The following LRP1B variants were observed in gnomAD, a reference collection of about 807,000 sequenced individuals.
LRP1B encodes LDL receptor related protein 1B, also known as low-density lipoprotein receptor-related protein 1B.
A neutral mutation model predicts 556.6 loss-of-function variants in LRP1B; 217 were observed. The observed-to-expected ratio is 0.39, with a 90% CI of 0.35 to 0.44. LRP1B has a LOEUF of 0.44. LRP1B is among the 20% of genes least tolerant of loss of function. LRP1B has a pLI of 1.00. For synonymous variants in LRP1B, 2,047 were observed against 1,865.8 expected (o/e 1.10, Z -2.50); for missense variants, 5,053 against 5,620.8 (o/e 0.90, Z 3.23).
intron 84 of LRP1B, among the ~76,000 whole-genome samples, chr2:140,295,318 C>A (rs12996989): frequency 6.6e-6 from 1 of 151,932 alleles, no homozygotes; most frequent in Admixed American, 6.6e-5. Flanking sequence ...GTAGGGGCAT[C>A]TACATATGTC....
At chr2:140,477,974 G>A (rs757413916) in intron 59 of LRP1B, among the ~76,000 whole-genome samples, 1 of 151,958 alleles carries the variant, frequency 6.6e-6, no homozygotes, top group Non-Finnish European at 1.5e-5. Context: ...TACTATGGAA[G>A]TACAAAAGAG....
At chr2:140,516,630 C>T (rs1299513201) in intron 50 of LRP1B, among the ~76,000 whole-genome samples, 1 of 151,994 alleles carries the variant, frequency 6.6e-6, no homozygotes, top group Non-Finnish European at 1.5e-5. Flanking sequence ...TTTATTATAT[C>T]TATATTATAA....
chr2:141,143,078 G>A (rs1701696221), intron 7 of LRP1B, among the ~76,000 whole-genome samples: 1 of 151,902 alleles, frequency 6.6e-6, no homozygotes, highest in South Asian at 2.1e-4. Context: ...ACAGGCGCGT[G>A]CTACCACGCC....
intron 41 of LRP1B, among the ~76,000 whole-genome samples, chr2:140,648,150 G>A (rs1433946577): frequency 6.6e-6 from 1 of 152,172 alleles, no homozygotes; most frequent in Non-Finnish European, 1.5e-5. Context: ...GGACATGGAT[G>A]AAGCTAGAAA....
intron 3 of LRP1B, among the ~76,000 whole-genome samples, chr2:141,317,178 G>T (rs184233529): frequency 1.3e-5 from 2 of 152,154 alleles, no homozygotes; most frequent in Non-Finnish European, 2.9e-5. Context: ...CTAGACCTAA[G>T]AATTATTGCT....
At chr2:140,324,492 A>G (rs890779909) in intron 80 of LRP1B, among the ~76,000 whole-genome samples, 12 of 152,118 alleles carry the variant, frequency 7.9e-5, no homozygotes, top group African/African-American at 2.2e-4. Context: ...TTATTAAGCA[A>G]TCAATCAATC....
intron 84 of LRP1B, among the ~76,000 whole-genome samples, chr2:140,287,124 C>T (rs931603817): frequency 2.0e-5 from 3 of 151,808 alleles, no homozygotes; most frequent in Non-Finnish European, 2.9e-5. Context: ...TCTAGATTCT[C>T]ATTTGACATA....
At chr2:141,843,266 G>A (rs1697540049) in intron 1 of LRP1B, among the ~76,000 whole-genome samples, 1 of 152,086 alleles carries the variant, frequency 6.6e-6, no homozygotes, top group Non-Finnish European at 1.5e-5. Context: ...ACAATGTTCT[G>A]GAATGAAGCA....
intron 82 of LRP1B, among the ~76,000 whole-genome samples, chr2:140,316,983 C>T (rs973209789): frequency 1.3e-5 from 2 of 152,014 alleles, no homozygotes; most frequent in Non-Finnish European, 2.9e-5. Flanking sequence ...CATTATCGAC[C>T]GAGTGCCCAG....
intron 11 of LRP1B, among the ~76,000 whole-genome samples, chr2:141,045,702 C>T (rs1330023803): frequency 2.0e-5 from 3 of 152,002 alleles, no homozygotes; most frequent in Non-Finnish European, 4.4e-5. Flanking sequence ...AAGCTTTATC[C>T]TCTTTACTGA....
At chr2:141,117,116 A>G (rs1396252418) in intron 7 of LRP1B, among the ~76,000 whole-genome samples, 1 of 151,968 alleles carries the variant, frequency 6.6e-6, no homozygotes, top group Non-Finnish European at 1.5e-5. Context: ...TTTATCATTG[A>G]CTTTTGTCAC....
At chr2:141,588,006 T>C (rs1177345525) in intron 2 of LRP1B, among the ~76,000 whole-genome samples, 1 of 152,238 alleles carries the variant, frequency 6.6e-6, no homozygotes, top group Non-Finnish European at 1.5e-5. Flanking sequence ...TAATACCTTA[T>C]TAATCAAAAT....
intron 35 of LRP1B, among the ~76,000 whole-genome samples, chr2:140,750,727 CT>C (rs1044452353): frequency 1.4e-4 from 21 of 152,164 alleles, no homozygotes; most frequent in African/African-American, 5.1e-4. Flanking sequence ...GAATTCTGCA[CT>C]TCATGAGACT....
chr2:140,351,731 G>T (rs918192595), intron 76 of LRP1B, among the ~76,000 whole-genome samples: 8 of 151,804 alleles, frequency 5.3e-5, no homozygotes, highest in African/African-American at 1.9e-4. Flanking sequence ...AGAGATGTTC[G>T]ATTGCATACA....
intron 2 of LRP1B, among the ~76,000 whole-genome samples, chr2:141,674,781 C>A (rs80015164): frequency 1.3e-5 from 2 of 151,964 alleles, no homozygotes; most frequent in East Asian, 3.9e-4. Flanking sequence ...AACCAAAGTT[C>A]TTAATCACTG....
intron 1 of LRP1B, among the ~76,000 whole-genome samples, chr2:141,963,069 G>A (rs771656510): frequency 2.0e-5 from 3 of 151,178 alleles, no homozygotes; most frequent in Non-Finnish European, 4.4e-5. Flanking sequence ...AACACAAGAG[G>A]GTTTTTTCTA....
chr2:141,084,106 A>T (rs1183864695), intron 7 of LRP1B, among the ~76,000 whole-genome samples: 4 of 152,216 alleles, frequency 2.6e-5, no homozygotes, highest in Non-Finnish European at 5.9e-5. Flanking sequence ...AGCAGTTCTT[A>T]GTAGAGTACC....
chr2:140,491,629 G>A (rs1323593909), intron 57 of LRP1B, among the ~76,000 whole-genome samples: 1 of 151,910 alleles, frequency 6.6e-6, no homozygotes, highest in Non-Finnish European at 1.5e-5. Context: ...GAAACTATTT[G>A]GGCAGCAAAA....
Position 140,536,716 on chromosome 2 carries a change from G to T in LRP1B, c.7514-7C>A. On this transcript the variant is annotated splice_region_variant and splice_polypyrimidine_tract_variant and intron_variant, in intron 45 of 90. Transcript: ENST00000389484. ...TTGCAGGAGGAATTTTTAGCTGCAA[G>T]AAAAAAAAAAAAAGTCAATACTTTT... 1 of 1,253,954 alleles carries T rather than the reference G, an allele frequency of 8.0e-7. No individual in the cohort carries two copies. Among genetic ancestry groups the T allele is most frequent in the Non-Finnish European group, 1.1e-6 (1 of 928,826 alleles). 77.7% of individuals were successfully genotyped at this position (1,253,954 alleles called of 1,614,324 possible).
Sources: gnomAD v4.1 joint callset for allele counts (sites outside exome capture counted in the v4.1 genomes callset) on GRCh38, gnomAD v4.1.1 for gene constraint, MANE v1.5 for transcripts, NCBI Gene and HGNC (gene_info 2026-07-23, HGNC 2026-07-21) for gene names.